Variants in MAD1L1 observed in about 807,000 individuals in gnomAD.
The protein encoded by MAD1L1 is mitotic arrest deficient 1 like 1.
In MAD1L1, 95 loss-of-function variants were observed where a neutral mutation model predicts 96.9. The ratio of observed to expected loss-of-function variants is 0.98; its 90% CI spans 0.83 to 1.16. The LOEUF is 1.16. Ranked by LOEUF, MAD1L1 falls within the 50% of genes most tolerant of loss-of-function variation. MAD1L1 has a pLI of 0.00. For missense variants in MAD1L1, 1,007 were observed against 954.4 expected (o/e 1.06, Z -0.73); for synonymous variants, 473 against 396.6 (o/e 1.19, Z -2.29).
At chr7:2,094,923 T>C (rs1243438527) in intron 11 of MAD1L1, among the ~76,000 whole-genome samples, 1 of 152,118 alleles carries the variant, frequency 6.6e-6, no homozygotes, top group Non-Finnish European at 1.5e-5. Context: ...GGTGATGCCG[T>C]GTTCATGGAT....
At chr7:1,886,881 C>A (rs1300476743) in intron 18 of MAD1L1, among the ~76,000 whole-genome samples, 1 of 152,260 alleles carries the variant, frequency 6.6e-6, no homozygotes, top group Non-Finnish European at 1.5e-5. Context: ...TCCCTGGGGA[C>A]AGTTGGGGTG....
chr7:1,864,152 T>G (rs757855284), intron 18 of MAD1L1, among the ~76,000 whole-genome samples: 1 of 152,190 alleles, frequency 6.6e-6, no homozygotes, highest in African/African-American at 2.4e-5. Flanking sequence ...CCGGTGGGAC[T>G]TGCAGAGGAA....
At chr7:2,161,328 A>G (rs1584457154) in intron 10 of MAD1L1, among the ~76,000 whole-genome samples, 1 of 151,880 alleles carries the variant, frequency 6.6e-6, no homozygotes, top group East Asian at 1.9e-4. Flanking sequence ...GGCTGGTCTC[A>G]GCTCCTGACC....
intron 15 of MAD1L1, among the ~76,000 whole-genome samples, chr7:1,977,467 G>A (rs575966477): frequency 1.8e-4 from 27 of 152,254 alleles, no homozygotes; most frequent in African/African-American, 5.5e-4. Context: ...TGAGCACCAC[G>A]CACGCAACCC....
At chr7:2,150,155 C>T (rs905004452) in intron 10 of MAD1L1, among the ~76,000 whole-genome samples, 1 of 152,192 alleles carries the variant, frequency 6.6e-6, no homozygotes, top group Admixed American at 6.5e-5. Flanking sequence ...CCGACATTGG[C>T]CAAGGAGGCT....
chr7:2,124,032 G>C (rs1788110080), intron 11 of MAD1L1, among the ~76,000 whole-genome samples: 1 of 152,222 alleles, frequency 6.6e-6, no homozygotes, highest in African/African-American at 2.4e-5. Flanking sequence ...GCCAGGTCAG[G>C]CTCCTCCTCT....
At chr7:2,029,268 A>G (rs148263259) in intron 12 of MAD1L1, among the ~76,000 whole-genome samples, 2 of 152,364 alleles carry the variant, frequency 1.3e-5, no homozygotes, top group East Asian at 1.9e-4. Flanking sequence ...GACGTGATAT[A>G]CCCATAAGAT....
chr7:2,217,952 A>C lies in MAD1L1; in HGVS notation c.678+10T>G. 2 of 1,609,854 alleles carry C rather than the reference A, an allele frequency of 1.2e-6. No homozygotes were observed. Among genetic ancestry groups the C allele is most frequent in the South Asian group, 1.1e-5 (1 of 91,012 alleles). ...GGATGTCCACAAGGCACTGACAGGG[A>C]GTGACTCACCTTAATCTGCTGCTCG... On this transcript the variant is annotated intron_variant, in intron 7 of 18. Transcript: ENST00000265854.
At chr7:2,144,003 C>A (rs1789169890) in intron 11 of MAD1L1, among the ~76,000 whole-genome samples, 1 of 152,214 alleles carries the variant, frequency 6.6e-6, no homozygotes. Flanking sequence ...ATCCATGACC[C>A]AGGGTCTCTG....
At chr7:2,031,376 C>A (rs1288215243) in intron 12 of MAD1L1, among the ~76,000 whole-genome samples, 1 of 152,210 alleles carries the variant, frequency 6.6e-6, no homozygotes, top group African/African-American at 2.4e-5. Flanking sequence ...CTGTTCTGGG[C>A]TCCCCACCAG....
At chr7:1,928,502 C>T (rs1434260402) in intron 17 of MAD1L1, among the ~76,000 whole-genome samples, 2 of 152,258 alleles carry the variant, frequency 1.3e-5, no homozygotes, top group African/African-American at 4.8e-5. Flanking sequence ...TTCCCCATGA[C>T]CTGCAGGTCC....
chr7:2,199,406 C>G (rs1021388942), intron 10 of MAD1L1, among the ~76,000 whole-genome samples: 2 of 152,238 alleles, frequency 1.3e-5, no homozygotes, highest in African/African-American at 4.8e-5. Flanking sequence ...CCTAGGAGGT[C>G]CCCTGCCTGC....
chr7:2,213,543 G>C (rs1793097219), intron 9 of MAD1L1, among the ~76,000 whole-genome samples: 1 of 152,188 alleles, frequency 6.6e-6, no homozygotes, highest in African/African-American at 2.4e-5. Flanking sequence ...GCAACGTGTG[G>C]CTGTGGAGGG....
chr7:2,123,407 G>A (rs954753387), intron 11 of MAD1L1, among the ~76,000 whole-genome samples: 1 of 152,094 alleles, frequency 6.6e-6, no homozygotes, highest in Non-Finnish European at 1.5e-5. Context: ...CCCAGCAAGC[G>A]AAACTGGGCT....
At chr7:2,213,661 C>T (rs1268468011) in intron 9 of MAD1L1, among the ~76,000 whole-genome samples, 4 of 151,872 alleles carry the variant, frequency 2.6e-5, no homozygotes, top group Admixed American at 1.3e-4. Flanking sequence ...TCCAGGGGCT[C>T]CTCAGGGAAC....
intron 11 of MAD1L1, among the ~76,000 whole-genome samples, chr7:2,101,359 G>C (rs56301121): frequency 2.7e-5 from 2 of 74,014 alleles, no homozygotes; most frequent in Non-Finnish European, 2.7e-5. Context: ...ATCCAGGTGG[G>C]TGGCATGAGA....
intron 18 of MAD1L1, among the ~76,000 whole-genome samples, chr7:1,878,855 C>T (rs917101887): frequency 2.0e-5 from 3 of 151,604 alleles, no homozygotes; most frequent in East Asian, 1.9e-4. Flanking sequence ...TTTATGCACA[C>T]GATACAATTG....
intron 12 of MAD1L1, among the ~76,000 whole-genome samples, chr7:2,018,208 G>GA (rs1211304305): frequency 6.6e-6 from 1 of 152,184 alleles, no homozygotes; most frequent in Non-Finnish European, 1.5e-5. Flanking sequence ...ACCGTAACTA[G>GA]ATGTGTGACC....
chr7:1,929,691 T>C (rs898592663), intron 17 of MAD1L1, among the ~76,000 whole-genome samples: 3 of 135,238 alleles, frequency 2.2e-5, no homozygotes, highest in Non-Finnish European at 4.8e-5. Flanking sequence ...AGCTCTTGAC[T>C]CTGCAGCCCC....
Sources: allele counts gnomAD v4.1 joint callset (sites outside exome capture counted in the v4.1 genomes callset), GRCh38; gene constraint gnomAD v4.1.1; transcripts MANE v1.5; gene names NCBI Gene and HGNC (gene_info 2026-07-23, HGNC 2026-07-21).